MAGI1: variants seen among roughly 807,000 people sequenced by gnomAD.
MAGI1 encodes the protein membrane-associated guanylate kinase, WW and PDZ domain-containing protein 1.
MAGI1 carries 58 observed loss-of-function variants against 139.9 expected under a neutral mutation model. The ratio of observed to expected loss-of-function variants is 0.41; its 90% CI spans 0.34 to 0.52. MAGI1 has a LOEUF of 0.52. Among genes scored for constraint, MAGI1 ranks in the 20% least tolerant of loss-of-function variants. MAGI1 has a pLI of 0.12. For missense variants in MAGI1, 1,874 were observed against 1,901.6 expected, an observed-to-expected ratio of 0.99 and a Z score of 0.27; for synonymous variants, 812 against 737.9, an observed-to-expected ratio of 1.10 and a Z score of -1.63.
rs1340329562 is a variant in MAGI1 at position 65,699,899 on chromosome 3, A to G, written c.314-77811T>C. Reference sequence around the variant, plus strand: ...TAATAAAAAAATAAAAATTAAAAAAATAAAAAAAAAAAGAAATGCAAATTC... The same window carrying G: ...TAATAAAAAAATAAAAATTAAAAAAGTAAAAAAAAAAAGAAATGCAAATTC... On this transcript the variant is annotated intron_variant, in intron 1 of 22. Coordinates refer to ENST00000402939, the MANE Select transcript of MAGI1 (RefSeq NM_001033057.2). Among the ~76,000 whole-genome samples, 3 of 151,656 alleles carry G rather than the reference A, an allele frequency of 2.0e-5. No homozygotes were observed. The East Asian group carries it at 5.8e-4, about 29-fold the overall frequency.
At chr3:65,471,650 C>A (rs1489821744) in intron 4 of MAGI1, among the ~76,000 whole-genome samples, 4 of 152,182 alleles carry the variant, frequency 2.6e-5, no homozygotes, top group Admixed American at 2.0e-4. Flanking sequence ...TGCCCCTCCC[C>A]ACTCCAGGTC....
intron 1 of MAGI1, among the ~76,000 whole-genome samples, chr3:65,828,559 C>A (rs1484245480): frequency 6.6e-6 from 1 of 152,126 alleles, no homozygotes; most frequent in Non-Finnish European, 1.5e-5. Context: ...CTGTACTTTC[C>A]AAACCCCAAG....
intron 3 of MAGI1, among the ~76,000 whole-genome samples, chr3:65,482,227 G>A (rs1214589875): frequency 1.3e-5 from 2 of 152,200 alleles, no homozygotes; most frequent in Admixed American, 1.3e-4. Flanking sequence ...GGGATTCTAA[G>A]AGAACCTAGT....
chr3:65,741,596 CAG>C (rs1387014855), intron 1 of MAGI1, among the ~76,000 whole-genome samples: 2 of 152,178 alleles, frequency 1.3e-5, no homozygotes, highest in Non-Finnish European at 2.9e-5. Flanking sequence ...AAAAACCTAA[CAG>C]GGAGTAATTC....
At chr3:65,522,964 C>G (rs2078228264) in intron 2 of MAGI1, among the ~76,000 whole-genome samples, 1 of 152,082 alleles carries the variant, frequency 6.6e-6, no homozygotes, top group Non-Finnish European at 1.5e-5. Context: ...TTGTCTGATA[C>G]AAAAAGGTTG....
chr3:65,740,942 C>A (rs115531572), intron 1 of MAGI1, among the ~76,000 whole-genome samples: 1 of 152,126 alleles, frequency 6.6e-6, no homozygotes, highest in Non-Finnish European at 1.5e-5. Context: ...GCTTTTCTAT[C>A]TTTCCTAAGT....
At chr3:65,621,861 C>T in intron 2 of MAGI1, 111 bp downstream of exon 2, 1 of 719,100 alleles carries the variant, frequency 1.4e-6, no homozygotes. Flanking sequence ...CTCAGTAGGC[C>T]AACCACCAGG....
intron 2 of MAGI1, among the ~76,000 whole-genome samples, chr3:65,516,435 C>G (rs1353427868): frequency 6.6e-6 from 1 of 152,088 alleles, no homozygotes; most frequent in African/African-American, 2.4e-5. Flanking sequence ...GCCTGGCCTC[C>G]CAACGCATTG....
intron 1 of MAGI1, among the ~76,000 whole-genome samples, chr3:65,642,961 C>T (rs192187854): frequency 6.4e-4 from 98 of 152,282 alleles, no homozygotes; most frequent in African/African-American, 2.4e-3. Flanking sequence ...CTCTGCTAAG[C>T]TTTAGCAGAA....
chr3:65,577,068 A>G (rs931650719), intron 2 of MAGI1, among the ~76,000 whole-genome samples: 2 of 152,186 alleles, frequency 1.3e-5, no homozygotes, highest in Non-Finnish European at 2.9e-5. Flanking sequence ...TACACACTTA[A>G]TACTCTATAA....
At chr3:65,486,675 AAGC>A (rs1410583145) in intron 3 of MAGI1, among the ~76,000 whole-genome samples, 3 of 152,176 alleles carry the variant, frequency 2.0e-5, no homozygotes, top group Non-Finnish European at 4.4e-5. Context: ...TCAAATTGTA[AAGC>A]AGAGATCAAT....
At chr3:66,015,012 C>T (rs1025522267) in intron 1 of MAGI1, among the ~76,000 whole-genome samples, 1 of 151,936 alleles carries the variant, frequency 6.6e-6, no homozygotes, top group Admixed American at 6.6e-5. Context: ...GCCTGCAGCA[C>T]TGTTTAATCC....
chr3:65,425,453 G>C (rs758429030), intron 12 of MAGI1, among the ~76,000 whole-genome samples: 4 of 151,928 alleles, frequency 2.6e-5, no homozygotes, highest in Non-Finnish European at 4.4e-5. Flanking sequence ...ACAACAATAA[G>C]GTCATCCCTT....
intron 1 of MAGI1, among the ~76,000 whole-genome samples, chr3:65,641,982 G>C (rs962063034): frequency 2.0e-5 from 3 of 152,150 alleles, no homozygotes; most frequent in African/African-American, 7.2e-5. Flanking sequence ...CAAGGAACAA[G>C]GTGAGAAAGG....
At chr3:65,363,924 C>G (rs1248637596) in intron 20 of MAGI1, among the ~76,000 whole-genome samples, 11 of 152,112 alleles carry the variant, frequency 7.2e-5, no homozygotes, top group Admixed American at 7.2e-4. Context: ...GGATGCCCAG[C>G]CTCCCTGACC....
intron 2 of MAGI1, among the ~76,000 whole-genome samples, chr3:65,610,962 G>C (rs910976742): frequency 7.7e-6 from 1 of 130,016 alleles, no homozygotes; most frequent in Non-Finnish European, 1.6e-5. Flanking sequence ...ATACTATATA[G>C]TATATAGACA....
At chr3:65,449,171 G>A (rs894203354) in intron 6 of MAGI1, among the ~76,000 whole-genome samples, 1 of 151,932 alleles carries the variant, frequency 6.6e-6, no homozygotes. Context: ...AATACCTAAT[G>A]TAAATGACGA....
intron 1 of MAGI1, among the ~76,000 whole-genome samples, chr3:65,867,234 C>T (rs1447009842): frequency 6.6e-6 from 1 of 152,188 alleles, no homozygotes; most frequent in East Asian, 1.9e-4. Flanking sequence ...CACTGGCCAC[C>T]AGTTTGCAAC....
chr3:65,699,900 TA>T lies in MAGI1; in HGVS notation c.314-77813del, dbSNP rs1269448349. Among the ~76,000 whole-genome samples the T allele has an allele frequency of 8.0e-3, 1,134 of 141,482 alleles. 14 individuals carry two copies. The highest frequency in any genetic ancestry group is 0.049 in the Admixed American group (691 of 14,224). 92.8% of individuals were successfully genotyped at this position (141,482 alleles called of 152,430 possible). A position where few individuals can be genotyped will look rare whatever the true frequency, so the allele number is the denominator to read the frequency against. On this transcript the variant is annotated intron_variant, in intron 1 of 22. Transcript: ENST00000402939. ...AATAAAAAAATAAAAATTAAAAAAA[TA>T]AAAAAAAAAAGAAATGCAAATTCTT...
Sources: gnomAD v4.1 joint callset for allele counts (sites outside exome capture counted in the v4.1 genomes callset) on GRCh38, gnomAD v4.1.1 for gene constraint, MANE v1.5 for transcripts, NCBI Gene and HGNC (gene_info 2026-07-23, HGNC 2026-07-21) for gene names.